The following P4HTM variants were observed in gnomAD, a reference collection of about 807,000 sequenced individuals.
P4HTM encodes prolyl 4-hydroxylase, transmembrane.
Under a neutral mutation model 55.3 loss-of-function variants are expected in P4HTM, and 33 were observed. That is an observed-to-expected ratio of 0.60 (90% confidence interval 0.45 to 0.80). P4HTM has a LOEUF of 0.80. P4HTM is among the 30% of genes least tolerant of loss of function. P4HTM has a pLI of 0.00. For missense variants in P4HTM, 542 were observed against 696.5 expected, an observed-to-expected ratio of 0.78 and a Z score of 2.50; for synonymous variants, 272 against 286.4, an observed-to-expected ratio of 0.95 and a Z score of 0.51.
At chr3:49,003,661 T>C (rs1576607706) in intron 4 of P4HTM, 1 of 155,262 alleles carries the variant, frequency 6.4e-6, no homozygotes, top group Admixed American at 6.5e-5. Flanking sequence ...TGGCCCTGCT[T>C]GCACCCTGGC....
At chr3:48,992,070 T>C (rs993390416) in intron 2 of P4HTM, 2 of 152,228 alleles carry the variant, frequency 1.3e-5, no homozygotes, top group African/African-American at 4.8e-5. Flanking sequence ...CTGGTTGTTG[T>C]TATTATTACT....
chr3:49,000,329 A>T (rs1043427206), intron 2 of P4HTM, among the ~76,000 whole-genome samples: 7 of 152,272 alleles, frequency 4.6e-5, no homozygotes, highest in African/African-American at 1.7e-4. Context: ...GTGGAAGGAT[A>T]GCTTGAACCC....
At chr3:48,996,405 C>T (rs1331836937) in intron 2 of P4HTM, 1 of 152,418 alleles carries the variant, frequency 6.6e-6, no homozygotes, top group Non-Finnish European at 1.5e-5. Context: ...TCCCATGTAG[C>T]TGGGACTACA....
intron 6 of P4HTM, chr3:49,005,540 A>G: frequency 2.2e-6 from 3 of 1,358,128 alleles, no homozygotes; most frequent in Non-Finnish European, 2.8e-6. Flanking sequence ...GGGCCATGGC[A>G]TTTAACTAAG....
chr3:49,005,686 AC>A, intron 6 of P4HTM, 90 bp from the exon 7 acceptor site: 1 of 1,496,946 alleles, frequency 6.7e-7, no homozygotes, highest in Non-Finnish European at 8.9e-7. Flanking sequence ...GTCCCTGGCA[AC>A]AGGAACCTGG....
chr3:49,004,026 G>T, intron 4 of P4HTM, 72 bp from the exon 5 acceptor site: 1 of 1,444,590 alleles, frequency 6.9e-7, no homozygotes, highest in South Asian at 1.3e-5. Context: ...GGGGTAGGTA[G>T]GGAAGTGCAG....
At chr3:49,005,103 C>T in intron 6 of P4HTM, 57 bp downstream of exon 6, 1 of 1,613,538 alleles carries the variant, frequency 6.2e-7, no homozygotes, top group Non-Finnish European at 8.5e-7. Flanking sequence ...ACACCCATGA[C>T]ACAGGCACAG....
At chr3:48,997,112 G>C (rs1421615492) in intron 2 of P4HTM, 2 of 152,242 alleles carry the variant, frequency 1.3e-5, no homozygotes, top group Admixed American at 1.3e-4. Flanking sequence ...TTGGGGGGCG[G>C]CAGAAAGAGG....
intron 7 of P4HTM, 97 bp from the exon 8 acceptor site, chr3:49,005,967 C>A: frequency 6.5e-7 from 1 of 1,545,428 alleles, no homozygotes; most frequent in Non-Finnish European, 8.8e-7. Flanking sequence ...CAAATTATTC[C>A]TTGGGCATAT....
In P4HTM at chr3:49,006,722, G is replaced by T. The variant is rs1262834163; in HGVS notation, c.1324G>T (p.Gly442Trp). ...VGDVDDYSLH[G>W]GCLVTRGTKW... ...TGACGTAGACGACTACTCGCTGCACGGGGGCTGCCTGGTCACGCGCGGCAC... is the reference window on the plus strand; with the variant it reads ...TGACGTAGACGACTACTCGCTGCACTGGGGCTGCCTGGTCACGCGCGGCAC... Residue 442 changes from glycine (G) to tryptophan (W), a missense_variant, in exon 9 of 9, where the codon GGG (glycine) becomes TGG (tryptophan). By Grantham distance (184) the Gly-to-Trp change is radical. This residue lies in a region of P4HTM where 536 missense variants were observed against 672.1 expected (regional missense o/e 0.80). Transcript: ENST00000383729. 2 of 1,613,566 alleles carry T rather than the reference G, an allele frequency of 1.2e-6. No homozygotes were observed. Among genetic ancestry groups the T allele is most frequent in the Non-Finnish European group, 1.7e-6 (2 of 1,180,030 alleles).
chr3:48,997,000 G>C (rs1460710545), intron 2 of P4HTM, among the ~76,000 whole-genome samples: 1 of 152,180 alleles, frequency 6.6e-6, no homozygotes, highest in Non-Finnish European at 1.5e-5. Flanking sequence ...GCCAGACAGA[G>C]GACTACCTGC....
At chr3:49,005,968 T>C (rs1026666308) in intron 7 of P4HTM, 96 bp from the exon 8 acceptor site, 14 of 1,549,012 alleles carry the variant, frequency 9.0e-6, no homozygotes, top group Non-Finnish European at 1.1e-5. Flanking sequence ...AAATTATTCC[T>C]TGGGCATATC....
Position 48,990,870 on chromosome 3 carries a change from G to C in P4HTM, c.392G>C (p.Arg131Thr). ...HERKVQLVTD[R>T]DHFIRTLSLK... ...CGTAAGGTCCAGCTGGTCACCGACA[G>C]GGATCACTTCATCCGAACCCTCAGC... is the stretch of plus-strand genomic sequence containing the variant. Residue 131 changes from arginine (R) to threonine (T), a missense_variant, in exon 2 of 9, where the codon AGG becomes ACG. This residue lies in a region of P4HTM where 536 missense variants were observed against 672.1 expected (regional missense o/e 0.80). Coordinates refer to ENST00000383729, the MANE Select transcript of P4HTM (RefSeq NM_177939.3). This position sits in a 1 kb window ranked among gnomAD's most constrained non-coding sequence, Gnocchi z 7.2. 6.2e-7 allele frequency: 1 copy of C among 1,614,084 alleles called. No individual in the cohort carries two copies. The highest frequency in any genetic ancestry group is 8.5e-7 in the Non-Finnish European group (1 of 1,179,986).
At chr3:49,001,673 G>T in intron 3 of P4HTM, 45 bp downstream of exon 3, 1 of 1,533,318 alleles carries the variant, frequency 6.5e-7, no homozygotes, top group South Asian at 1.2e-5. Flanking sequence ...GGAGTGCCCA[G>T]AATCACCTTT....
Position 48,990,556 on chromosome 3 carries a change from G to T in P4HTM, c.300G>T (p.Gln100His). 3 of 1,609,094 alleles carry T rather than the reference G, an allele frequency of 1.9e-6. No homozygotes were observed. Among genetic ancestry groups the T allele is most frequent in the Non-Finnish European group, 2.5e-6 (3 of 1,178,652 alleles). ...ATCCCGGGCCCCAACACCGTGCCCA[G>T]GGCCCCGGGCCCGAGCCCACCTTAG... ...SSDPGPQHRA[Q>H]GPGPEPTLGP... is the part of the protein sequence containing the mutation. Residue 100 changes from glutamine (Q) to histidine (H), a missense_variant, in exon 1 of 9, where the codon CAG becomes CAT. By Grantham distance (24) the Gln-to-His change is conservative. Around this residue, in one of 2 missense-constraint regions of P4HTM, gnomAD observed 536 missense variants for 672.1 expected, o/e 0.80. Coordinates refer to ENST00000383729, the MANE Select transcript of P4HTM (RefSeq NM_177939.3). This position sits in a 1 kb window ranked among gnomAD's most constrained non-coding sequence, Gnocchi z 7.2.
At position 49,002,394 on chromosome 3, in the gene P4HTM, A is replaced by G; in HGVS notation, c.628-106A>G. The G allele has an allele frequency of 1.2e-6, 1 of 824,984 alleles. No individual in the cohort carries two copies. Among genetic ancestry groups the G allele is most frequent in the Non-Finnish European group, 2.1e-6 (1 of 484,342 alleles). The allele number at this position is 824,984 out of a possible 1,614,324, so 51.1% of individuals were successfully genotyped here. ...TGGGCTCTGCCCTGTGTCCTCATCC[A>G]TGCCCTCACCTGAACACTTTGCTCC... is the stretch of plus-strand genomic sequence containing the variant. On this transcript the variant is annotated intron_variant, in intron 3 of 8. Transcript: ENST00000383729. The surrounding 1 kb of genome is among the most constrained non-coding windows in gnomAD (Gnocchi z 4.4).
chr3:48,995,733 C>T (rs2092943688), intron 2 of P4HTM, among the ~76,000 whole-genome samples: 1 of 152,160 alleles, frequency 6.6e-6, no homozygotes, highest in South Asian at 2.1e-4. Context: ...TTACAGGCGC[C>T]TGCCACCATG....
rs373062441 is a variant in P4HTM, at chr3:49,002,628, C to T, written c.724+32C>T. On this transcript the variant is annotated intron_variant, in intron 4 of 8. Coordinates refer to ENST00000383729, the MANE Select transcript of P4HTM (RefSeq NM_177939.3). This position sits in a 1 kb window ranked among gnomAD's most constrained non-coding sequence, Gnocchi z 4.4. ...TCACACCTCTGCACAGTCCTATCCC[C>T]GTGAGCCTCCTGCCCACTCCCAGGT... 7 of 1,518,968 alleles carry T rather than the reference C, an allele frequency of 4.6e-6. No individual in the cohort carries two copies. Among genetic ancestry groups the T allele is most frequent in the African/African-American group, 2.7e-5 (2 of 73,062 alleles). 94.1% of individuals were successfully genotyped at this position (1,518,968 alleles called of 1,614,324 possible).
chr3:48,997,446 T>C (rs6446204), intron 2 of P4HTM: 128,355 of 152,338 alleles, frequency 0.84, 54,737 homozygotes, highest in East Asian at 1. Flanking sequence ...GCAGTGGTCC[T>C]GTCTTCAGCA....
Sources: gnomAD v4.1 joint callset for allele counts (sites outside exome capture counted in the v4.1 genomes callset) on GRCh38, gnomAD v4.1.1 for gene constraint, gnomAD v4.1.1 regional missense constraint, Gnocchi (gnomAD v3.1) non-coding constraint, MANE v1.5 for transcripts, NCBI Gene and HGNC (gene_info 2026-07-23, HGNC 2026-07-21) for gene names.